RGS20: variants seen among roughly 807,000 people sequenced by gnomAD.
RGS20 encodes gz-selective GTPase-activating protein.
A neutral mutation model predicts 33.6 loss-of-function variants in RGS20; 30 were observed. That is an observed-to-expected ratio of 0.89 (90% CI 0.67 to 1.21). The LOEUF (loss-of-function observed/expected upper bound fraction) is 1.21, where lower values mean the gene tolerates loss of function less well. Among genes scored for constraint, RGS20 ranks in the 50% most tolerant of loss-of-function variants. The pLI, the probability that RGS20 is intolerant of heterozygous loss-of-function variation, is 0.00. For synonymous variants in RGS20, 208 were observed against 197.9 expected (o/e 1.05, Z -0.43); for missense variants, 472 against 502.4 (o/e 0.94, Z 0.58).
rs568216294 is a variant in RGS20 at position 53,897,385 on chromosome 8, A to G, written c.510+17783A>G. Among the ~76,000 whole-genome samples the G allele has an allele frequency of 1.2e-4, 18 of 152,346 alleles. No individual in the cohort carries two copies. In the South Asian group the frequency reaches 3.7e-3, roughly 32 times the overall value. ...GTCAAACTTGGATGCCCTGTCCATAAGAGTTTCCTTAGTTCCAGCTAATAA... is the reference window on the plus strand; with the variant it reads ...GTCAAACTTGGATGCCCTGTCCATAGGAGTTTCCTTAGTTCCAGCTAATAA... On this transcript the variant is annotated intron_variant, in intron 2 of 5. Transcript: ENST00000297313.
chr8:53,938,694 C>T (rs892199679), intron 2 of RGS20, among the ~76,000 whole-genome samples: 9 of 152,084 alleles, frequency 5.9e-5, no homozygotes, highest in Admixed American at 2.6e-4. Flanking sequence ...TTTAATGTGT[C>T]CTTGATATTA....
At chr8:53,947,354 A>T (rs1405648702) in intron 4 of RGS20, among the ~76,000 whole-genome samples, 1 of 132,218 alleles carries the variant, frequency 7.6e-6, no homozygotes, top group East Asian at 2.1e-4. Context: ...TATATATATT[A>T]TATATGCTAT....
Position 53,913,080 on chromosome 8 carries a change from C to T in RGS20, c.511-26496C>T, listed in dbSNP as rs1381403051. Reference sequence around the variant, plus strand: ...TCCTGGGTTCAAGCAATTCTCCTGCCTCGGCCTCCCAAGTAGCTGGGATTA... The same window carrying T: ...TCCTGGGTTCAAGCAATTCTCCTGCTTCGGCCTCCCAAGTAGCTGGGATTA... On this transcript the variant is annotated intron_variant, in intron 2 of 5. Coordinates refer to ENST00000297313, the MANE Select transcript of RGS20 (RefSeq NM_170587.4). Among the ~76,000 whole-genome samples the T allele has an allele frequency of 2.0e-5, 3 of 152,130 alleles. 1 individual carries two copies. The highest frequency in any genetic ancestry group is 7.2e-5 in the African/African-American group (3 of 41,510).
intron 2 of RGS20, among the ~76,000 whole-genome samples, chr8:53,915,061 C>T (rs1813447682): frequency 6.6e-6 from 1 of 151,682 alleles, no homozygotes; most frequent in African/African-American, 2.4e-5. Flanking sequence ...AGGAGGATCA[C>T]TTGAACCTGG....
chr8:53,880,846 A>G, intron 2 of RGS20, 26 bp from the exon 1 acceptor site: 1 of 1,381,772 alleles, frequency 7.2e-7, no homozygotes, highest in Non-Finnish European at 9.4e-7. Flanking sequence ...GGCCGGGTAA[A>G]AGGAGTGAGG....
At chr8:53,954,716 C>T (rs1274516617) in intron 5 of RGS20, among the ~76,000 whole-genome samples, 77 of 142,308 alleles carry the variant, frequency 5.4e-4, no homozygotes, top group African/African-American at 1.7e-3. Flanking sequence ...GAGATGGAGT[C>T]TCACTCTGTC....
rs750490855 is a variant in RGS20, at chr8:53,946,707, T to G, written c.702T>G (p.Ala234=). The stretch of plus-strand genomic sequence containing the variant: ...AGGAAGATCAGAGGCCCACAATAGC[T>G]TCCCACGAACTCAGAGCAGATCTTC... The change falls in exon 4 of 6, where the codon GCT becomes GCG. Residue 234 remains alanine, a synonymous_variant. Transcript: ENST00000297313. 6.2e-7 allele frequency: 1 copy of G among 1,613,304 alleles called. No homozygotes were observed. Among genetic ancestry groups the G allele is most frequent in the Non-Finnish European group, 8.5e-7 (1 of 1,179,636 alleles).
intron 2 of RGS20, among the ~76,000 whole-genome samples, chr8:53,884,866 G>T (rs563270718): frequency 1.3e-5 from 2 of 152,284 alleles, no homozygotes; most frequent in South Asian, 4.1e-4. Flanking sequence ...CACATGACTC[G>T]CCTCAGGTAA....
chr8:53,908,442 C>T (rs968095192), intron 2 of RGS20, among the ~76,000 whole-genome samples: 1 of 152,112 alleles, frequency 6.6e-6, no homozygotes, highest in Non-Finnish European at 1.5e-5. Context: ...GAGTTTGAGA[C>T]CAGCCTGGGC....
At chr8:53,929,850 T>C (rs1813905411) in intron 2 of RGS20, among the ~76,000 whole-genome samples, 1 of 152,162 alleles carries the variant, frequency 6.6e-6, no homozygotes, top group East Asian at 1.9e-4. Context: ...GCTTATGACA[T>C]AGGGCTAGAG....
intron 1 of RGS20, among the ~76,000 whole-genome samples, chr8:53,862,433 G>A (rs753485907): frequency 3.3e-5 from 5 of 152,124 alleles, no homozygotes; most frequent in South Asian, 2.1e-4. Flanking sequence ...ACACTCCAGC[G>A]TGATGCAAAT....
intron 1 of RGS20, among the ~76,000 whole-genome samples, chr8:53,868,793 C>T (rs1431115714): frequency 6.6e-6 from 1 of 151,812 alleles, no homozygotes; most frequent in Non-Finnish European, 1.5e-5. Flanking sequence ...CCCTCTGTTA[C>T]CCATGTTGAA....
chr8:53,889,766 G>A (rs1191081932), intron 2 of RGS20, among the ~76,000 whole-genome samples: 1 of 149,176 alleles, frequency 6.7e-6, no homozygotes, highest in Admixed American at 6.7e-5. Flanking sequence ...TGCACGTGCT[G>A]CAAATCTCTT....
At chr8:53,855,941 G>T (rs543704755) in intron 1 of RGS20, among the ~76,000 whole-genome samples, 1 of 152,210 alleles carries the variant, frequency 6.6e-6, no homozygotes, top group South Asian at 2.1e-4. Context: ...ATATACTATT[G>T]GTTGCATATG....
Position 53,931,733 on chromosome 8 carries a change from G to A in RGS20, c.511-7843G>A, listed in dbSNP as rs115773370. Among the ~76,000 whole-genome samples, 1,258 of 152,240 alleles carry A rather than the reference G, an allele frequency of 8.3e-3. 10 individuals are homozygous for A. Among genetic ancestry groups the A allele is most frequent in the African/African-American group, 0.029 (1,194 of 41,526 alleles). On this transcript the variant is annotated intron_variant, in intron 2 of 5. Transcript: ENST00000297313. The stretch of plus-strand genomic sequence containing the variant: ...TCTCATTGGGACTGGTTAGACAGTT[G>A]GGTGCAGCCCACGGAGGGTGAGCAG...
At chr8:53,928,819 G>A (rs1181180361) in intron 2 of RGS20, among the ~76,000 whole-genome samples, 35 of 148,614 alleles carry the variant, frequency 2.4e-4, no homozygotes, top group South Asian at 4.2e-4. Flanking sequence ...GTAAAACTCC[G>A]TCTCAAAAAA....
chr8:53,939,747 G>GAATGTGCTCCTGACTGGGAAGTGT (rs747947418), intron 3 of RGS20, 23 bp downstream of exon 2: 89 of 1,542,132 alleles, frequency 5.8e-5, no homozygotes, highest in Non-Finnish European at 4.7e-5. Flanking sequence ...GCTTTTTAAT[G>GAATGTGCTCCTGACTGGGAAGTGT]AATGTGCTCC....
chr8:53,956,624 G>A (rs556265692), intron 5 of RGS20, among the ~76,000 whole-genome samples: 4 of 152,234 alleles, frequency 2.6e-5, no homozygotes, highest in African/African-American at 7.2e-5. Context: ...TGGTGGGGTC[G>A]TTGGCTTACT....
chr8:53,908,655 T>G (rs1006080612), intron 2 of RGS20, among the ~76,000 whole-genome samples: 1 of 150,664 alleles, frequency 6.6e-6, no homozygotes, highest in African/African-American at 2.4e-5. Flanking sequence ...AAAAAAAAAT[T>G]AGCTGGGTGC....
Sources: allele counts gnomAD v4.1 joint callset (sites outside exome capture counted in the v4.1 genomes callset), GRCh38; gene constraint gnomAD v4.1.1; transcripts MANE v1.5; gene names NCBI Gene and HGNC (gene_info 2026-07-23, HGNC 2026-07-21).